Variants in RRP12 observed in about 807,000 individuals in gnomAD.
RRP12 encodes the protein ribosomal RNA processing 12 homolog, also known as RRP12-like protein.
In RRP12, 78 loss-of-function variants were observed where a neutral mutation model predicts 157.3. That is an observed-to-expected ratio of 0.50 (90% CI 0.41 to 0.60). The LOEUF (loss-of-function observed/expected upper bound fraction) is 0.60, where lower values mean the gene tolerates loss of function less well. Ranked by LOEUF, RRP12 falls within the 20% of genes least tolerant of loss-of-function variation. RRP12 has a pLI of 0.00. For missense variants in RRP12, 1,521 were observed against 1,679.9 expected (o/e 0.91, Z 1.65); for synonymous variants, 726 against 670.9 (o/e 1.08, Z -1.27).
Position 97,380,851 on chromosome 10 carries a change from A to G in RRP12, c.1481T>C (p.Leu494Pro). The change falls in exon 13 of 34, where the codon CTG becomes CCG. Residue 494 changes from leucine (L) to proline (P), a missense_variant. Leu to Pro is a moderately conservative substitution (Grantham distance 98). Transcript: ENST00000370992. ...CCCACACGCCTCGAAGAAGACACAC[A>G]GCAGCTGCAACACGGAGCTCCAGGC... The part of the protein sequence containing the change: ...HAAWSSVLQL[L>P]CVFFEACGRQ... 6.2e-7 allele frequency: 1 copy of G among 1,614,180 alleles called. No homozygotes were observed. The highest frequency in any genetic ancestry group is 8.5e-7 in the Non-Finnish European group (1 of 1,180,020).
In RRP12 at chr10:97,401,144, T is replaced by C. The variant is rs759985483; in HGVS notation, c.88A>G (p.Ile30Val). The change falls in exon 1 of 34, where the codon ATC (isoleucine) becomes GTC (valine). Residue 30 changes from isoleucine to valine, a missense_variant. Ile to Val is a conservative substitution (Grantham distance 29). Transcript: ENST00000370992. The stretch of plus-strand genomic sequence containing the variant: ...CGGGCGGCCTGACGGTGGCGGCAGA[T>C]GGCGGGGTTGCTGTCGCTGCTGTGG... ...KGHSSDSNPA[I>V]CRHRQAARSR... 50 of 1,613,926 alleles carry C rather than the reference T, an allele frequency of 3.1e-5. No homozygotes were observed. The highest frequency in any genetic ancestry group is 4.0e-5 in the Non-Finnish European group (47 of 1,180,024).
At chr10:97,396,769 CTTTA>C (rs1481611807) in intron 2 of RRP12, among the ~76,000 whole-genome samples, 2 of 151,986 alleles carry the variant, frequency 1.3e-5, no homozygotes, top group Admixed American at 6.6e-5. Flanking sequence ...TTCCCATATA[CTTTA>C]TTTATTTTTT....
rs142028739 is a variant in RRP12 at position 97,382,164 on chromosome 10, T to C, written c.1209-338A>G. On this transcript the variant is annotated intron_variant, in intron 10 of 33. Coordinates refer to ENST00000370992, the MANE Select transcript of RRP12 (RefSeq NM_015179.4). Reference sequence around the variant, plus strand: ...CCAGAAGTTCTAAAATGCACAAACATGAAAACAGTAACTTCTGCTAACTTT... The same window carrying C: ...CCAGAAGTTCTAAAATGCACAAACACGAAAACAGTAACTTCTGCTAACTTT... Among the ~76,000 whole-genome samples the C allele has an allele frequency of 1.7e-4, 25 of 149,786 alleles. No individual in the cohort carries two copies. The East Asian group carries it at 3.1e-3, about 19-fold the overall frequency.
rs553485821 is a variant in RRP12, at chr10:97,398,571, T to C, written c.369+1734A>G. Among the ~76,000 whole-genome samples, 204 of 151,366 alleles carry C rather than the reference T, an allele frequency of 1.3e-3. 2 individuals carry two copies. Among genetic ancestry groups the C allele is most frequent in the African/African-American group, 4.7e-3 (195 of 41,176 alleles). ...CATGTTGGCCAGGCTGGTCTCAAAC[T>C]CTTGACCTCAAATGATCTGCCCACC... is the stretch of plus-strand genomic sequence containing the variant. On this transcript the variant is annotated intron_variant, in intron 2 of 33. Transcript: ENST00000370992.
intron 24 of RRP12, 125 bp downstream of exon 24, chr10:97,370,042 T>C (rs1844097829): frequency 1.5e-6 from 1 of 683,494 alleles, no homozygotes; most frequent in Non-Finnish European, 2.5e-6. Flanking sequence ...CAAACTGGGC[T>C]GGGTGTGGCT....
At chr10:97,390,595 G>A (rs1844775969) in intron 5 of RRP12, 56 bp from the exon 6 acceptor site, 1 of 1,461,488 alleles carries the variant, frequency 6.8e-7, no homozygotes, top group African/African-American at 1.4e-5. Context: ...AGGGAAAAGA[G>A]CCCAGGTTCT....
chr10:97,366,424 C>T, intron 28 of RRP12, 22 bp downstream of exon 28: 3 of 1,586,900 alleles, frequency 1.9e-6, no homozygotes, highest in Non-Finnish European at 2.6e-6. Context: ...TTTCTGAGTG[C>T]ACTGGCCAGC....
intron 15 of RRP12, among the ~76,000 whole-genome samples, chr10:97,375,577 C>G (rs1844282488): frequency 6.6e-6 from 1 of 152,018 alleles, no homozygotes; most frequent in Non-Finnish European, 1.5e-5. Context: ...GTAGTATTAC[C>G]AGGACAAAGG....
At chr10:97,374,029 C>T (rs751055487) in intron 15 of RRP12, 135 bp from the exon 16 acceptor site, 20 of 680,232 alleles carry the variant, frequency 2.9e-5, no homozygotes, top group Non-Finnish European at 4.7e-5. Context: ...TGAATTAAAT[C>T]ATACTTGTTC....
intron 17 of RRP12, 145 bp downstream of exon 17, chr10:97,373,430 T>C: frequency 1.9e-6 from 2 of 1,060,702 alleles, no homozygotes; most frequent in South Asian, 1.7e-5. Context: ...AGTTATCCCC[T>C]GGGGTCTGCA....
At chr10:97,358,656 G>A (rs1281934712) in intron 32 of RRP12, 37 bp from the exon 33 acceptor site, 6 of 1,520,622 alleles carry the variant, frequency 3.9e-6, no homozygotes, top group Admixed American at 1.7e-5. Context: ...CTAGGAGGGT[G>A]GGGTTCCCCT....
At chr10:97,396,121 C>T (rs1844955509) in intron 3 of RRP12, 97 bp downstream of exon 3, 1 of 864,770 alleles carries the variant, frequency 1.2e-6, no homozygotes, top group Non-Finnish European at 2.0e-6. Context: ...TCAAGGTTGT[C>T]CTTCTCTACC....
rs568143920 is a variant in RRP12, at chr10:97,380,838, G to A, written c.1494C>T (p.Phe498=). 2.7e-5 allele frequency: 44 copies of A among 1,614,114 alleles called. No individual in the cohort carries two copies. Among genetic ancestry groups the A allele is most frequent in the Middle Eastern group, 1.6e-4 (1 of 6,062 alleles). ...SSVLQLLCVF[F]EACGRQAHPV... ...GGTGGGCCTGTCTCCCACACGCCTC[G>A]AAGAAGACACACAGCAGCTGCAACA... Residue 498 remains phenylalanine, a synonymous_variant, in exon 13 of 34, where the codon TTC becomes TTT. Coordinates refer to ENST00000370992, the MANE Select transcript of RRP12 (RefSeq NM_015179.4).
Position 97,357,107 on chromosome 10 carries a change from T to C in RRP12, c.3881A>G (p.Asp1294Gly), listed in dbSNP as rs1277434889. 1 of 1,611,660 alleles carries C rather than the reference T, an allele frequency of 6.2e-7. No homozygotes were observed. The highest frequency in any genetic ancestry group is 8.5e-7 in the Non-Finnish European group (1 of 1,178,042). Residue 1294 changes from aspartate to glycine, a missense_variant, in exon 34 of 34, where the codon GAT becomes GGT. Transcript: ENST00000370992. ...GGGCCCTGGGCCTCAGGGTCGACGA[T>C]CCTTTCTGCGGTTTTTGTGTCCCAC... The part of the protein sequence containing the change: ...SQVGHKNRRK[D>G]RRP
Position 97,390,784 on chromosome 10 carries a change from G to T in RRP12, c.591C>A (p.Ile197=). 1 of 1,613,920 alleles carries T rather than the reference G, an allele frequency of 6.2e-7. No individual in the cohort carries two copies. Among genetic ancestry groups the T allele is most frequent in the Non-Finnish European group, 8.5e-7 (1 of 1,179,840 alleles). Residue 197 remains isoleucine, a synonymous_variant, in exon 5 of 34, where the codon ATC becomes ATA. Transcript: ENST00000370992. ...AGCCGCTGCTGGCCTGAGCTGACAT[G>T]ATATCCATGAAGGCTTTGGAGGTAT... The part of the protein sequence containing the change: ...FSDTSKAFMD[I]MSAQASSGST...
intron 25 of RRP12, 175 bp from the exon 26 acceptor site, chr10:97,367,307 C>T (rs1844018047): frequency 4.9e-6 from 3 of 612,742 alleles, no homozygotes; most frequent in Non-Finnish European, 8.7e-6. Context: ...TGGGCAGGCC[C>T]CATCTTTCCC....
At chr10:97,372,246 G>A (rs1844178215) in intron 19 of RRP12, 80 bp from the exon 20 acceptor site, 1 of 1,065,854 alleles carries the variant, frequency 9.4e-7, no homozygotes. Flanking sequence ...CGTCTACTGG[G>A]TATGGGGAGG....
chr10:97,390,863 A>G lies in RRP12; in HGVS notation c.531-19T>C. On this transcript the variant is annotated intron_variant, in intron 4 of 33. Coordinates refer to ENST00000370992, the MANE Select transcript of RRP12 (RefSeq NM_015179.4). ...GGGAACACTGTGGGAAAGAACAGAGATGGTCACCCCAGAGGGTCCCTGAAG... is the reference window on the plus strand; with the variant it reads ...GGGAACACTGTGGGAAAGAACAGAGGTGGTCACCCCAGAGGGTCCCTGAAG... 1 of 1,531,336 alleles carries G rather than the reference A, an allele frequency of 6.5e-7. No homozygotes were observed. Among genetic ancestry groups the G allele is most frequent in the Non-Finnish European group, 9.1e-7 (1 of 1,104,692 alleles). The allele number at this position is 1,531,336 out of a possible 1,614,324, so 94.9% of individuals were successfully genotyped here.
Position 97,360,636 on chromosome 10 carries a change from G to A in RRP12, c.3568-18C>T. 6.2e-7 allele frequency: 1 copy of A among 1,605,712 alleles called. No homozygotes were observed. The highest frequency in any genetic ancestry group is 8.5e-7 in the Non-Finnish European group (1 of 1,172,420). ...TGCTTTTTCTATAGAGAGAGAATAG[G>A]TGGGTAGTGAGTGAACCAGGGGATG... On this transcript the variant is annotated intron_variant, in intron 30 of 33. Transcript: ENST00000370992.
Sources: gnomAD v4.1 joint callset for allele counts (sites outside exome capture counted in the v4.1 genomes callset) on GRCh38, gnomAD v4.1.1 for gene constraint, MANE v1.5 for transcripts, NCBI Gene and HGNC (gene_info 2026-07-23, HGNC 2026-07-21) for gene names.